WDR7: variants seen among roughly 807,000 people sequenced by gnomAD.
WDR7 encodes the protein WD repeat-containing protein 7.
In WDR7, 46 loss-of-function variants were observed where a neutral mutation model predicts 169.4. The observed-to-expected ratio is 0.27, with a 90% CI of 0.21 to 0.35. The LOEUF (loss-of-function observed/expected upper bound fraction) is 0.35, where lower values mean the gene tolerates loss of function less well. Among genes scored for constraint, WDR7 ranks in the 10% least tolerant of loss-of-function variants. The pLI is 1.00. For synonymous variants in WDR7, 612 were observed against 666.8 expected (o/e 0.92, Z 1.27); for missense variants, 1,534 against 1,859.3 (o/e 0.83, Z 3.22).
chr18:56,774,955 GT>G (rs1438521781), intron 16 of WDR7, among the ~76,000 whole-genome samples: 2 of 151,830 alleles, frequency 1.3e-5, no homozygotes, highest in African/African-American at 2.4e-5. Flanking sequence ...TCGAGAATCT[GT>G]TTTTTTCTTT....
At chr18:56,761,182 C>A (rs566251605) in intron 16 of WDR7, among the ~76,000 whole-genome samples, 91 of 152,166 alleles carry the variant, frequency 6.0e-4, no homozygotes, top group African/African-American at 2.1e-3. Context: ...CTAATTTTTT[C>A]TATTTTTAGT....
intron 20 of WDR7, among the ~76,000 whole-genome samples, chr18:56,865,798 AAAC>A (rs1264505344): frequency 6.6e-6 from 1 of 152,162 alleles, no homozygotes. Flanking sequence ...TTTCATATAA[AAAC>A]AATTTAATGT....
intron 19 of WDR7, among the ~76,000 whole-genome samples, chr18:56,790,642 CT>C (rs1259230554): frequency 6.6e-6 from 1 of 151,114 alleles, no homozygotes; most frequent in African/African-American, 2.4e-5. Flanking sequence ...TCTCTTCCTG[CT>C]TTTTTTTGTG....
intron 16 of WDR7, among the ~76,000 whole-genome samples, chr18:56,772,412 A>T (rs963512247): frequency 2.0e-5 from 3 of 152,266 alleles, no homozygotes; most frequent in Admixed American, 6.5e-5. Context: ...GGGCTGTGAG[A>T]TGGCTTCCGA....
At chr18:56,686,175 G>A (rs1275014047) in intron 6 of WDR7, 143 bp downstream of exon 6, 3 of 619,038 alleles carry the variant, frequency 4.8e-6, no homozygotes, top group African/African-American at 3.8e-5. Context: ...GGCATAGTAT[G>A]GAAGATTCTC....
intron 19 of WDR7, among the ~76,000 whole-genome samples, chr18:56,797,589 T>C (rs8097445): frequency 0.065 from 9,845 of 152,108 alleles, 746 homozygotes; most frequent in African/African-American, 0.19. Flanking sequence ...GCAGTTAATT[T>C]TGATTGAACA....
chr18:56,981,289 G>C (rs1175883775), intron 26 of WDR7, among the ~76,000 whole-genome samples: 1 of 152,156 alleles, frequency 6.6e-6, no homozygotes, highest in Non-Finnish European at 1.5e-5. Context: ...GTGGAATAAA[G>C]AGTAGAAGAA....
At chr18:56,702,472 G>T (rs2025854971) in intron 12 of WDR7, among the ~76,000 whole-genome samples, 1 of 152,148 alleles carries the variant, frequency 6.6e-6, no homozygotes, top group Non-Finnish European at 1.5e-5. Context: ...TGACAGCAGT[G>T]AAAATTCATG....
rs184097753 is a variant in WDR7 at position 56,947,338 on chromosome 18, C to T, written c.4064+7945C>T. Reference sequence around the variant, plus strand: ...GCTGGGCCTTGGCTTTGCCTTCATACGTCTCCTCGGTGATCTTCAAAAAGG... The same window carrying T: ...GCTGGGCCTTGGCTTTGCCTTCATATGTCTCCTCGGTGATCTTCAAAAAGG... On this transcript the variant is annotated intron_variant, in intron 25 of 27. Transcript: ENST00000254442. Among the ~76,000 whole-genome samples the T allele has an allele frequency of 3.9e-3, 598 of 152,280 alleles. 2 individuals carry two copies. Among genetic ancestry groups the T allele is most frequent in the Non-Finnish European group, 4.8e-3 (326 of 68,022 alleles).
intron 26 of WDR7, among the ~76,000 whole-genome samples, chr18:57,017,463 T>C (rs2048223832): frequency 6.9e-6 from 1 of 145,700 alleles, no homozygotes; most frequent in African/African-American, 2.6e-5. Context: ...TGTGCTGTTC[T>C]TATCCAAGTC....
intron 14 of WDR7, among the ~76,000 whole-genome samples, chr18:56,754,485 T>C (rs962771251): frequency 6.6e-6 from 1 of 151,806 alleles, no homozygotes; most frequent in Admixed American, 6.6e-5. Context: ...TATATGTATA[T>C]ATACTTAAGC....
At chr18:56,825,709 A>G (rs1173570201) in intron 20 of WDR7, among the ~76,000 whole-genome samples, 1 of 152,222 alleles carries the variant, frequency 6.6e-6, no homozygotes, top group Non-Finnish European at 1.5e-5. Flanking sequence ...TTTTTGTGAT[A>G]TATAGAAATT....
At chr18:56,700,016 T>A in intron 12 of WDR7, 1 of 366,396 alleles carries the variant, frequency 2.7e-6, no homozygotes, top group Non-Finnish European at 3.8e-6. Flanking sequence ...AGATTAGCAT[T>A]AATTTAGTGG....
chr18:56,755,195 A>G (rs969130115), intron 14 of WDR7, among the ~76,000 whole-genome samples: 12 of 150,730 alleles, frequency 8.0e-5, no homozygotes, highest in African/African-American at 2.7e-4. Flanking sequence ...TTTTATTCCT[A>G]TTTTTTAGTT....
At chr18:56,920,407 G>A (rs9955596) in intron 21 of WDR7, among the ~76,000 whole-genome samples, 123,242 of 152,172 alleles carry the variant, frequency 0.81, 50,415 homozygotes, top group East Asian at 0.98. Context: ...TTCCTGAATT[G>A]TAATAAATTT....
chr18:57,016,714 G>T (rs2048212114), intron 26 of WDR7, among the ~76,000 whole-genome samples: 1 of 152,144 alleles, frequency 6.6e-6, no homozygotes, highest in Non-Finnish European at 1.5e-5. Flanking sequence ...AAAAACTTGG[G>T]TACATTAAGT....
intron 25 of WDR7, among the ~76,000 whole-genome samples, chr18:56,940,083 A>T (rs952405997): frequency 3.3e-5 from 5 of 152,098 alleles, no homozygotes; most frequent in Non-Finnish European, 7.4e-5. Context: ...ACATCTTGTT[A>T]AAAAAGGTTT....
chr18:56,974,362 C>CTTTTTTTTTTTTTTTTTTTTTTT (rs34901751), intron 26 of WDR7, among the ~76,000 whole-genome samples: 3 of 111,816 alleles, frequency 2.7e-5, no homozygotes, highest in African/African-American at 6.9e-5. Flanking sequence ...GCTTTTCTTG[C>CTTTTTTTTTTTTTTTTTTTTTTT]TTTTTTTTTT....
At chr18:56,848,954 T>C (rs2045603983) in intron 20 of WDR7, among the ~76,000 whole-genome samples, 1 of 152,206 alleles carries the variant, frequency 6.6e-6, no homozygotes, top group South Asian at 2.1e-4. Flanking sequence ...AATGGAATAA[T>C]ACACTATCTT....
Sources: allele counts gnomAD v4.1 joint callset (sites outside exome capture counted in the v4.1 genomes callset), GRCh38; gene constraint gnomAD v4.1.1; transcripts MANE v1.5; gene names NCBI Gene and HGNC (gene_info 2026-07-23, HGNC 2026-07-21).